PRKCA: variants seen among roughly 807,000 people sequenced by gnomAD.
PRKCA encodes protein kinase C alpha type.
PRKCA carries 27 observed loss-of-function variants against 87.0 expected under a neutral mutation model. The ratio of observed to expected loss-of-function variants is 0.31; its 90% CI spans 0.23 to 0.43. The LOEUF is 0.43. PRKCA is among the 20% of genes least tolerant of loss of function. The pLI is 1.00. For synonymous variants in PRKCA, 329 were observed against 311.1 expected (o/e 1.06, Z -0.61); for missense variants, 518 against 852.3 (o/e 0.61, Z 4.88).
chr17:66,800,279 A>G (rs1166851778), intron 16 of PRKCA, among the ~76,000 whole-genome samples: 1 of 152,254 alleles, frequency 6.6e-6, no homozygotes, highest in African/African-American at 2.4e-5. Context: ...AGCAGTGAGC[A>G]GTTTTGAGAC....
intron 3 of PRKCA, among the ~76,000 whole-genome samples, chr17:66,530,096 C>G (rs1288165622): frequency 6.6e-6 from 1 of 152,126 alleles, no homozygotes; most frequent in African/African-American, 2.4e-5. Flanking sequence ...TGGTTCCTGC[C>G]CCATGTTCAG....
intron 3 of PRKCA, among the ~76,000 whole-genome samples, chr17:66,602,568 C>A (rs887225526): frequency 2.0e-5 from 3 of 152,176 alleles, no homozygotes; most frequent in Non-Finnish European, 4.4e-5. Context: ...CGGAGCTGTT[C>A]CTATTCGGCC....
chr17:66,622,547 A>C (rs953999819), intron 3 of PRKCA, among the ~76,000 whole-genome samples: 3 of 152,212 alleles, frequency 2.0e-5, no homozygotes, highest in African/African-American at 7.2e-5. Flanking sequence ...TTAATGTGGA[A>C]AACTGACATC....
chr17:66,435,481 G>A (rs1041214113), intron 2 of PRKCA, among the ~76,000 whole-genome samples: 1 of 152,148 alleles, frequency 6.6e-6, no homozygotes, highest in Non-Finnish European at 1.5e-5. Context: ...ACGCACTCAC[G>A]GAATCACAGA....
intron 2 of PRKCA, among the ~76,000 whole-genome samples, chr17:66,370,601 C>T (rs1909048651): frequency 7.5e-6 from 1 of 132,594 alleles, no homozygotes; most frequent in Non-Finnish European, 1.5e-5. Context: ...GCCCAAGATG[C>T]GTGTAGTGGT....
At chr17:66,767,857 T>C (rs73994610) in intron 13 of PRKCA, among the ~76,000 whole-genome samples, 12,891 of 152,186 alleles carry the variant, frequency 0.085, 807 homozygotes, top group East Asian at 0.2. Context: ...ACATGGGCTG[T>C]TTGGGGAATA....
chr17:66,753,750 A>AG (rs1263747355), intron 13 of PRKCA, among the ~76,000 whole-genome samples: 1 of 152,036 alleles, frequency 6.6e-6, no homozygotes, highest in East Asian at 1.9e-4. Context: ...TCTTACGGGG[A>AG]GGGGAAGAGG....
chr17:66,541,445 C>T (rs187892910), intron 3 of PRKCA, among the ~76,000 whole-genome samples: 4 of 152,294 alleles, frequency 2.6e-5, no homozygotes, highest in Admixed American at 2.6e-4. Flanking sequence ...TTGATTTCTG[C>T]GGCAAAGAGC....
intron 8 of PRKCA, among the ~76,000 whole-genome samples, chr17:66,710,609 C>A (rs1484160595): frequency 2.0e-5 from 3 of 152,134 alleles, no homozygotes; most frequent in Non-Finnish European, 4.4e-5. Context: ...TTGAATCTCA[C>A]ACCTACTTGT....
At chr17:66,660,169 G>A (rs1348995428) in intron 5 of PRKCA, among the ~76,000 whole-genome samples, 4 of 152,010 alleles carry the variant, frequency 2.6e-5, no homozygotes, top group African/African-American at 7.2e-5. Flanking sequence ...AAGCATCGAA[G>A]GGAGATGGAA....
At chr17:66,579,212 G>T (rs958869169) in intron 3 of PRKCA, among the ~76,000 whole-genome samples, 1 of 152,174 alleles carries the variant, frequency 6.6e-6, no homozygotes, top group East Asian at 1.9e-4. Context: ...TAGTCATCAC[G>T]ACCATAATTA....
chr17:66,468,933 A>C (rs1272737674), intron 2 of PRKCA, among the ~76,000 whole-genome samples: 7 of 152,168 alleles, frequency 4.6e-5, no homozygotes, highest in African/African-American at 1.4e-4. Flanking sequence ...GTTGAAGGGA[A>C]GTAGCTCAGC....
chr17:66,337,135 A>G (rs1332403680), intron 2 of PRKCA, among the ~76,000 whole-genome samples: 1 of 151,810 alleles, frequency 6.6e-6, no homozygotes, highest in Non-Finnish European at 1.5e-5. Context: ...TAATTAGATC[A>G]TTTTTTTCCT....
At chr17:66,539,849 C>G (rs1967920047) in intron 3 of PRKCA, among the ~76,000 whole-genome samples, 1 of 152,156 alleles carries the variant, frequency 6.6e-6, no homozygotes, top group Admixed American at 6.5e-5. Flanking sequence ...CTCAGACACA[C>G]CAAATGAATG....
intron 3 of PRKCA, among the ~76,000 whole-genome samples, chr17:66,527,028 T>A (rs1045112403): frequency 3.3e-5 from 5 of 152,168 alleles, no homozygotes; most frequent in Non-Finnish European, 7.3e-5. Context: ...GTGTGTGTCT[T>A]GTGTGCAGCT....
chr17:66,422,301 T>C (rs1912541542), intron 2 of PRKCA, among the ~76,000 whole-genome samples: 4 of 152,164 alleles, frequency 2.6e-5, no homozygotes, highest in Admixed American at 6.5e-5. Flanking sequence ...CCACTTCACT[T>C]TTTCGTAGTA....
chr17:66,468,322 TCTCTGTCACTGAGGA>T (rs951587698), intron 2 of PRKCA, among the ~76,000 whole-genome samples: 2 of 152,174 alleles, frequency 1.3e-5, no homozygotes, highest in African/African-American at 4.8e-5. Context: ...TCACAGGGTG[TCTCTGTCACTGAGGA>T]CTCTGTCCTC....
At chr17:66,341,880 A>G (rs1008962636) in intron 2 of PRKCA, among the ~76,000 whole-genome samples, 1 of 152,232 alleles carries the variant, frequency 6.6e-6, no homozygotes, top group South Asian at 2.1e-4. Context: ...AAATTGTGAT[A>G]AAGATTTCTA....
Position 66,804,314 on chromosome 17 carries a change from G to A in PRKCA, c.*277G>A, listed in dbSNP as rs371695620. On this transcript the variant is annotated 3_prime_UTR_variant, in exon 17 of 17. Transcript: ENST00000413366. The stretch of plus-strand genomic sequence containing the variant: ...GCTCTAGGTTAACCCTTCCTAGAAA[G>A]CAAGCAGACTGTTGCCCCATTTTGG... 5 of 321,786 alleles carry A rather than the reference G, an allele frequency of 1.6e-5. 1 individual carries two copies. Among genetic ancestry groups the A allele is most frequent in the African/African-American group, 2.1e-5 (1 of 46,876 alleles). 19.9% of individuals were successfully genotyped at this position (321,786 alleles called of 1,614,324 possible).
Sources: allele counts gnomAD v4.1 joint callset (sites outside exome capture counted in the v4.1 genomes callset), GRCh38; gene constraint gnomAD v4.1.1; transcripts MANE v1.5; gene names NCBI Gene and HGNC (gene_info 2026-07-23, HGNC 2026-07-21).